The following LGR6 variants were observed in gnomAD, a reference collection of about 807,000 sequenced individuals.
The protein encoded by LGR6 is leucine-rich repeat-containing G protein-coupled receptor 6.
LGR6 carries 45 observed loss-of-function variants against 69.4 expected under a neutral mutation model. The ratio of observed to expected loss-of-function variants is 0.65; its 90% CI spans 0.51 to 0.83. The LOEUF (loss-of-function observed/expected upper bound fraction) is 0.83. LGR6 is among the 40% of genes least tolerant of loss of function. The pLI is 0.00. For missense variants in LGR6, 1,108 were observed against 1,246.7 expected, an observed-to-expected ratio of 0.89 and a Z score of 1.68; for synonymous variants, 538 against 555.0, an observed-to-expected ratio of 0.97 and a Z score of 0.43.
At position 202,286,987 on chromosome 1, in the gene LGR6, C is replaced by T. The variant is rs189289143; in HGVS notation, c.716+6135C>T. On this transcript the variant is annotated intron_variant, in intron 6 of 17. Coordinates refer to ENST00000367278, the MANE Select transcript of LGR6 (RefSeq NM_001017403.2). ...CCACTGTGAACTCTACCCCCTCTGC[C>T]GACTGCTCCAGGCACCCCAGCCAGC... 3.6e-3 allele frequency among the ~76,000 whole-genome samples: 542 copies of T among 152,238 alleles called. 5 individuals are homozygous for T. Among genetic ancestry groups the T allele is most frequent in the Non-Finnish European group, 3.2e-3 (216 of 68,010 alleles).
intron 4 of LGR6, among the ~76,000 whole-genome samples, chr1:202,275,256 G>A (rs1665449957): frequency 6.6e-6 from 1 of 152,144 alleles, no homozygotes; most frequent in African/African-American, 2.4e-5. Flanking sequence ...TTCAAGATAG[G>A]AAAGTCCAGC....
chr1:202,226,362 A>G (rs965907914), intron 2 of LGR6, among the ~76,000 whole-genome samples: 1 of 152,240 alleles, frequency 6.6e-6, no homozygotes, highest in Non-Finnish European at 1.5e-5. Context: ...CAGCTCTTTT[A>G]GAATTTGTCT....
chr1:202,225,520 A>G (rs757373182), intron 2 of LGR6, 26 bp downstream of exon 2: 1 of 1,597,886 alleles, frequency 6.3e-7, no homozygotes, highest in Admixed American at 1.7e-5. Context: ...GCAGGGTGGG[A>G]GGCAAGCATG....
intron 1 of LGR6, among the ~76,000 whole-genome samples, chr1:202,202,232 T>C (rs926551575): frequency 6.6e-6 from 1 of 152,196 alleles, no homozygotes; most frequent in Non-Finnish European, 1.5e-5. Context: ...TCCCACTCCC[T>C]GGGGCAGCAT....
intron 16 of LGR6, among the ~76,000 whole-genome samples, chr1:202,310,970 T>C (rs892788784): frequency 1.3e-5 from 2 of 152,032 alleles, no homozygotes; most frequent in Non-Finnish European, 2.9e-5. Context: ...TCTTGGGCCA[T>C]CTGTGTTTCT....
At chr1:202,217,270 A>G (rs187672545) in intron 1 of LGR6, among the ~76,000 whole-genome samples, 1 of 152,262 alleles carries the variant, frequency 6.6e-6, no homozygotes, top group Non-Finnish European at 1.5e-5. Context: ...GTGGTGCCAA[A>G]CCATGATTTC....
chr1:202,276,178 C>A (rs927156923), intron 4 of LGR6, 128 bp from the exon 5 acceptor site: 7 of 696,322 alleles, frequency 1.0e-5, no homozygotes, highest in South Asian at 7.2e-5. Flanking sequence ...TACATGGTGG[C>A]CAAGTCACAA....
chr1:202,293,927 G>A (rs1666970678), intron 6 of LGR6, among the ~76,000 whole-genome samples: 1 of 152,176 alleles, frequency 6.6e-6, no homozygotes, highest in South Asian at 2.1e-4. Flanking sequence ...AGGAGGGCTG[G>A]AACTACTCAA....
intron 4 of LGR6, among the ~76,000 whole-genome samples, chr1:202,244,178 C>T (rs1156628323): frequency 2.6e-5 from 4 of 152,014 alleles, no homozygotes; most frequent in Non-Finnish European, 4.4e-5. Context: ...AGGCTGGTCT[C>T]GAACTCCTGA....
intron 4 of LGR6, among the ~76,000 whole-genome samples, chr1:202,271,070 C>T (rs975714731): frequency 3.3e-5 from 5 of 152,146 alleles, no homozygotes; most frequent in Non-Finnish European, 7.3e-5. Context: ...GCCAGGTCCA[C>T]GTGGGAGAAC....
chr1:202,286,619 A>G (rs564907216), intron 6 of LGR6, among the ~76,000 whole-genome samples: 1 of 152,326 alleles, frequency 6.6e-6, no homozygotes, highest in Non-Finnish European at 1.5e-5. Flanking sequence ...TCTTGAGGCT[A>G]AGAATCAAGG....
chr1:202,292,153 C>T (rs1281671051), intron 6 of LGR6, among the ~76,000 whole-genome samples: 1 of 152,160 alleles, frequency 6.6e-6, no homozygotes, highest in Non-Finnish European at 1.5e-5. Flanking sequence ...TTAAGGGCAT[C>T]GGAGCCCATT....
intron 6 of LGR6, among the ~76,000 whole-genome samples, chr1:202,292,377 G>A (rs1453208423): frequency 6.6e-6 from 1 of 152,178 alleles, no homozygotes; most frequent in Non-Finnish European, 1.5e-5. Flanking sequence ...GTGACATATA[G>A]ACTGAAACAT....
chr1:202,253,620 CT>C (rs71141468), intron 4 of LGR6, among the ~76,000 whole-genome samples: 338 of 52,476 alleles, frequency 6.4e-3, no homozygotes, highest in African/African-American at 0.021. Flanking sequence ...TCCTACTATT[CT>C]TTTTTTTTTT....
intron 3 of LGR6, among the ~76,000 whole-genome samples, chr1:202,230,952 G>C (rs1024760169): frequency 2.0e-5 from 3 of 152,228 alleles, no homozygotes; most frequent in African/African-American, 7.2e-5. Context: ...CTGGGCAGGA[G>C]ATTTTCCCAG....
intron 9 of LGR6, among the ~76,000 whole-genome samples, chr1:202,301,618 C>T (rs1053315635): frequency 6.6e-6 from 1 of 152,190 alleles, no homozygotes; most frequent in East Asian, 1.9e-4. Context: ...GAGCCCAGAT[C>T]CCTGGGCACT....
chr1:202,225,378 C>T, intron 1 of LGR6, 45 bp from the exon 2 acceptor site: 1 of 1,569,948 alleles, frequency 6.4e-7, no homozygotes, highest in Non-Finnish European at 8.7e-7. Flanking sequence ...CCAGATGGCC[C>T]AAGTGGGGAG....
chr1:202,224,885 G>A (rs913221118), intron 1 of LGR6, among the ~76,000 whole-genome samples: 1 of 152,156 alleles, frequency 6.6e-6, no homozygotes, highest in South Asian at 2.1e-4. Flanking sequence ...ACTAGCTCTG[G>A]GATTGAATCA....
At position 202,282,022 on chromosome 1, in the gene LGR6, G is replaced by T. The variant is rs570729289; in HGVS notation, c.716+1170G>T. Among the ~76,000 whole-genome samples, 11 of 152,252 alleles carry T rather than the reference G, an allele frequency of 7.2e-5. 1 individual carries two copies. In the East Asian group the frequency reaches 2.1e-3, roughly 29 times the overall value. On this transcript the variant is annotated intron_variant, in intron 6 of 17. Coordinates refer to ENST00000367278, the MANE Select transcript of LGR6 (RefSeq NM_001017403.2). ...CCCAAGCTCCACTCTTTTTTCCTGT[G>T]GGCACAAGACCCAGAAGTGTGGCTG...
Sources: gnomAD v4.1 joint callset for allele counts (sites outside exome capture counted in the v4.1 genomes callset) on GRCh38, gnomAD v4.1.1 for gene constraint, MANE v1.5 for transcripts, NCBI Gene and HGNC (gene_info 2026-07-23, HGNC 2026-07-21) for gene names.